TANGO6: variants seen among roughly 807,000 people sequenced by gnomAD.
The protein encoded by TANGO6 is transport and golgi organization 6 homolog, also known as transport and Golgi organization protein 6 homolog.
TANGO6 carries 90 observed loss-of-function variants against 114.2 expected under a neutral mutation model. The observed-to-expected ratio is 0.79, with a 90% confidence interval of 0.66 to 0.94. The LOEUF (loss-of-function observed/expected upper bound fraction) is 0.94, where lower values mean the gene tolerates loss of function less well. TANGO6 is among the 40% of genes least tolerant of loss of function. TANGO6 has a pLI of 0.00. For synonymous variants in TANGO6, 477 were observed against 509.8 expected (o/e 0.94, Z 0.87); for missense variants, 1,274 against 1,315.3 (o/e 0.97, Z 0.49).
chr16:68,873,579 G>C (rs1464972905), intron 4 of TANGO6, among the ~76,000 whole-genome samples: 1 of 152,210 alleles, frequency 6.6e-6, no homozygotes, highest in East Asian at 1.9e-4. Flanking sequence ...TTCCCAAAGT[G>C]CTGGGATTAC....
chr16:69,027,782 AT>A lies in TANGO6; in HGVS notation c.2994+4819del, dbSNP rs34656903. 2.7e-3 allele frequency among the ~76,000 whole-genome samples: 372 copies of A among 139,762 alleles called. 1 individual carries two copies. The highest frequency in any genetic ancestry group is 3.3e-3 in the African/African-American group (126 of 38,108). 91.7% of individuals were successfully genotyped at this position (139,762 alleles called of 152,430 possible). On this transcript the variant is annotated intron_variant, in intron 16 of 17. Transcript: ENST00000261778. ...TGGTCCATGATCTGAACCAAACCCA[AT>A]TTTTTTTTTTTTTTTGAGACGAATT...
At chr16:69,067,160 G>A (rs1189433082) in intron 17 of TANGO6, among the ~76,000 whole-genome samples, 1 of 152,176 alleles carries the variant, frequency 6.6e-6, no homozygotes, top group Non-Finnish European at 1.5e-5. Context: ...ACCTCCCGAA[G>A]TGCCGGGATC....
chr16:69,063,664 A>AC (rs1303046818), intron 17 of TANGO6, among the ~76,000 whole-genome samples: 41 of 149,014 alleles, frequency 2.8e-4, no homozygotes, highest in African/African-American at 8.8e-4. Context: ...AAAAAAAAAA[A>AC]AAAAAACAAA....
At chr16:68,884,255 T>G (rs1446215884) in intron 7 of TANGO6, among the ~76,000 whole-genome samples, 2 of 152,184 alleles carry the variant, frequency 1.3e-5, no homozygotes, top group Non-Finnish European at 2.9e-5. Flanking sequence ...CCCTTGTATT[T>G]AATTTCACTA....
intron 16 of TANGO6, among the ~76,000 whole-genome samples, chr16:69,038,688 T>C (rs942752993): frequency 3.9e-5 from 6 of 152,248 alleles, no homozygotes; most frequent in Middle Eastern, 3.4e-3. Context: ...TAATTAACTA[T>C]ATATCAGTTT....
chr16:68,925,814 C>T (rs905689906), intron 12 of TANGO6, among the ~76,000 whole-genome samples: 1 of 150,240 alleles, frequency 6.7e-6, no homozygotes, highest in Non-Finnish European at 1.5e-5. Flanking sequence ...TGTCTAGATT[C>T]ATTTTTTCAC....
chr16:68,861,672 C>T (rs535958003), intron 2 of TANGO6, among the ~76,000 whole-genome samples: 2 of 152,256 alleles, frequency 1.3e-5, no homozygotes, highest in African/African-American at 4.8e-5. Flanking sequence ...AAAGAACCAA[C>T]TAGGACGGCA....
chr16:68,859,910 A>C lies in TANGO6; in HGVS notation c.121A>C (p.Thr41Pro), dbSNP rs771428358. 1 of 1,593,370 alleles carries C rather than the reference A, an allele frequency of 6.3e-7. No homozygotes were observed. Among genetic ancestry groups the C allele is most frequent in the East Asian group, 2.2e-5 (1 of 44,644 alleles). ...GGSGSSSLQV[T>P]KHDVLLATLK... ...CTCGGGCTCAAGTTCACTACAGGTC[A>C]CAAAACATGATGTCTTGTTGGCTAC... is the stretch of plus-strand genomic sequence containing the variant. The change falls in exon 2 of 18, where the codon ACA becomes CCA. Residue 41 changes from threonine (T) to proline (P), a missense_variant. This residue lies in a region of TANGO6 where 114 missense variants were observed against 104.6 expected (regional missense o/e 1.09). Coordinates refer to ENST00000261778, the MANE Select transcript of TANGO6 (RefSeq NM_024562.2).
chr16:68,907,009 A>G (rs1311364061), intron 9 of TANGO6, among the ~76,000 whole-genome samples: 2 of 151,282 alleles, frequency 1.3e-5, no homozygotes, highest in African/African-American at 4.8e-5. Flanking sequence ...TGGCCAGGCT[A>G]GTCTCAAACT....
chr16:68,851,909 T>C (rs1961908241), intron 1 of TANGO6, among the ~76,000 whole-genome samples: 1 of 150,856 alleles, frequency 6.6e-6, no homozygotes, highest in Non-Finnish European at 1.5e-5. Context: ...TTTTCTCTTA[T>C]TATGAGCAAG....
intron 14 of TANGO6, among the ~76,000 whole-genome samples, chr16:68,962,258 A>G (rs1477989772): frequency 6.6e-6 from 1 of 152,190 alleles, no homozygotes; most frequent in Non-Finnish European, 1.5e-5. Context: ...CAACTGAAGT[A>G]TCCTGCTAAA....
At chr16:68,965,285 G>C (rs1345746312) in intron 14 of TANGO6, among the ~76,000 whole-genome samples, 4 of 152,094 alleles carry the variant, frequency 2.6e-5, no homozygotes, top group Non-Finnish European at 5.9e-5. Flanking sequence ...TCAGCCTCCT[G>C]AGTAGCTGGG....
intron 15 of TANGO6, among the ~76,000 whole-genome samples, chr16:68,979,107 A>C (rs2152214363): frequency 6.6e-6 from 1 of 151,796 alleles, no homozygotes; most frequent in Middle Eastern, 3.4e-3. Flanking sequence ...TTTTATAGAG[A>C]TGGGGGTCTC....
Position 68,928,958 on chromosome 16 carries a change from G to A in TANGO6, c.2643+875G>A, listed in dbSNP as rs535123355. On this transcript the variant is annotated intron_variant, in intron 13 of 17. Transcript: ENST00000261778. ...TTTTGAGACAGGGTCTCGCTCCGTC[G>A]CCCAGGCTGGAGTGCAGTGGTGCGA... Among the ~76,000 whole-genome samples, 8 of 151,628 alleles carry A rather than the reference G, an allele frequency of 5.3e-5. No homozygotes were observed. The East Asian group carries it at 5.9e-4, about 11-fold the overall frequency.
At chr16:68,900,791 A>G (rs373339729) in intron 8 of TANGO6, among the ~76,000 whole-genome samples, 3 of 152,332 alleles carry the variant, frequency 2.0e-5, no homozygotes, top group East Asian at 1.9e-4. Flanking sequence ...CTCAAAGACA[A>G]AATCTCTGTT....
At chr16:68,990,133 A>G (rs904077144) in intron 15 of TANGO6, among the ~76,000 whole-genome samples, 1 of 152,132 alleles carries the variant, frequency 6.6e-6, no homozygotes. Flanking sequence ...TCCTGGCTCA[A>G]GTGATCCTCC....
At chr16:68,883,083 G>C (rs1041548905) in intron 7 of TANGO6, among the ~76,000 whole-genome samples, 7 of 152,154 alleles carry the variant, frequency 4.6e-5, no homozygotes, top group African/African-American at 1.4e-4. Context: ...TGTAATCCCA[G>C]TTACTCTGGA....
At chr16:68,869,124 G>A (rs1022590419) in intron 4 of TANGO6, among the ~76,000 whole-genome samples, 2 of 151,798 alleles carry the variant, frequency 1.3e-5, no homozygotes, top group Non-Finnish European at 2.9e-5. Context: ...AGTTTTCTAT[G>A]TGCTTATCAC....
At chr16:69,054,218 G>C (rs1339862001) in intron 17 of TANGO6, among the ~76,000 whole-genome samples, 1 of 152,212 alleles carries the variant, frequency 6.6e-6, no homozygotes, top group Non-Finnish European at 1.5e-5. Flanking sequence ...ACTCTCATCT[G>C]TGTCTCTATC....
Sources: gnomAD v4.1 joint callset for allele counts (sites outside exome capture counted in the v4.1 genomes callset) on GRCh38, gnomAD v4.1.1 for gene constraint, gnomAD v4.1.1 regional missense constraint, MANE v1.5 for transcripts, NCBI Gene and HGNC (gene_info 2026-07-23, HGNC 2026-07-21) for gene names.